Variants in ACSL3 observed in about 807,000 individuals in gnomAD.
The protein encoded by ACSL3 is fatty acid CoA ligase Acsl3.
ACSL3 carries 34 observed loss-of-function variants against 84.7 expected under a neutral mutation model. The observed-to-expected ratio is 0.40, with a 90% CI of 0.31 to 0.53. ACSL3 has a LOEUF of 0.53. ACSL3 is among the 20% of genes least tolerant of loss of function. The pLI, the probability that ACSL3 is intolerant of heterozygous loss-of-function variation, is 0.48. For missense variants in ACSL3, 680 were observed against 873.1 expected, an observed-to-expected ratio of 0.78 and a Z score of 2.79; for synonymous variants, 315 against 299.4, an observed-to-expected ratio of 1.05 and a Z score of -0.54.
At chr2:222,864,622 G>A (rs1014514141) in intron 1 of ACSL3, among the ~76,000 whole-genome samples, 1 of 152,182 alleles carries the variant, frequency 6.6e-6, no homozygotes, top group Non-Finnish European at 1.5e-5. Context: ...GCAGGTAGGG[G>A]TGGGATGGGG....
intron 4 of ACSL3, among the ~76,000 whole-genome samples, chr2:222,915,972 T>C (rs1323955398): frequency 6.6e-6 from 1 of 152,190 alleles, no homozygotes; most frequent in Admixed American, 6.5e-5. Context: ...AACACCTACA[T>C]CATTTAAATA....
intron 1 of ACSL3, among the ~76,000 whole-genome samples, chr2:222,879,906 T>G (rs958730702): frequency 1.3e-5 from 2 of 152,096 alleles, no homozygotes; most frequent in Non-Finnish European, 2.9e-5. Context: ...CTTTTTTTTT[T>G]TTTTCTATTT....
chr2:222,865,379 C>G (rs1006922399), intron 1 of ACSL3, among the ~76,000 whole-genome samples: 3 of 152,138 alleles, frequency 2.0e-5, no homozygotes, highest in African/African-American at 7.2e-5. Context: ...TAAGTGGCCT[C>G]CAAATACAGC....
chr2:222,914,581 G>T (rs1416853715), intron 4 of ACSL3, among the ~76,000 whole-genome samples: 1 of 152,264 alleles, frequency 6.6e-6, no homozygotes, highest in African/African-American at 2.4e-5. Context: ...TATTTGAATA[G>T]AGAGAAGGTT....
intron 2 of ACSL3, among the ~76,000 whole-genome samples, chr2:222,898,206 G>T (rs1348432035): frequency 1.3e-5 from 2 of 151,980 alleles, no homozygotes; most frequent in Admixed American, 1.3e-4. Flanking sequence ...GGCGCTCTTT[G>T]TATATTTTGT....
At chr2:222,940,277 A>AT (rs1344913803) in intron 16 of ACSL3, among the ~76,000 whole-genome samples, 2 of 152,126 alleles carry the variant, frequency 1.3e-5, no homozygotes, top group African/African-American at 4.8e-5. Flanking sequence ...AAACTTTATT[A>AT]TTTTTTAATT....
intron 1 of ACSL3, among the ~76,000 whole-genome samples, chr2:222,861,967 G>A (rs2106075022): frequency 6.6e-6 from 1 of 152,268 alleles, no homozygotes; most frequent in Middle Eastern, 3.4e-3. Context: ...GGAGCCCGAG[G>A]CACAGGTTTT....
chr2:222,886,044 T>A (rs867519357), intron 1 of ACSL3, among the ~76,000 whole-genome samples: 9 of 149,536 alleles, frequency 6.0e-5, no homozygotes, highest in East Asian at 2.0e-4. Flanking sequence ...TGCCTGACTT[T>A]AAAAAAAAAA....
intron 1 of ACSL3, among the ~76,000 whole-genome samples, chr2:222,880,087 A>G (rs746723351): frequency 6.6e-6 from 1 of 152,150 alleles, no homozygotes; most frequent in Non-Finnish European, 1.5e-5. Context: ...TGATGTCACT[A>G]TTGCCATATA....
chr2:222,865,411 A>T (rs1695111179), intron 1 of ACSL3, among the ~76,000 whole-genome samples: 1 of 152,154 alleles, frequency 6.6e-6, no homozygotes, highest in Non-Finnish European at 1.5e-5. Flanking sequence ...TTGTGAAGGT[A>T]TTTGTTATTA....
intron 3 of ACSL3, chr2:222,904,561 C>T (rs1343132322): frequency 6.6e-6 from 1 of 152,602 alleles, no homozygotes; most frequent in Admixed American, 6.5e-5. Flanking sequence ...AAGGCTCTTG[C>T]TACAAAGCAT....
At chr2:222,924,819 C>T (rs539339636) in intron 11 of ACSL3, among the ~76,000 whole-genome samples, 14 of 151,544 alleles carry the variant, frequency 9.2e-5, no homozygotes, top group South Asian at 4.2e-4. Flanking sequence ...GTCAGGAGAT[C>T]GAGACCATCC....
intron 1 of ACSL3, among the ~76,000 whole-genome samples, chr2:222,864,153 A>T (rs1368715546): frequency 2.0e-5 from 3 of 152,182 alleles, no homozygotes; most frequent in African/African-American, 4.8e-5. Context: ...GCAACTAAAG[A>T]GGTATGTGTG....
At chr2:222,938,162 TTAAATTCTATACAGATTTAAATGTGAC>T (rs2106144825) in intron 16 of ACSL3, among the ~76,000 whole-genome samples, 1 of 152,330 alleles carries the variant, frequency 6.6e-6, no homozygotes, top group East Asian at 1.9e-4. Flanking sequence ...TCTTTGTTTT[TTAAATTCTATACAGATTTAAATGTGAC>T]TTATACACCT....
chr2:222,920,929 C>T (rs976095813), intron 7 of ACSL3: 1 of 478,064 alleles, frequency 2.1e-6, no homozygotes, highest in Non-Finnish European at 4.3e-6. Flanking sequence ...CTCCCAGTTC[C>T]AGGGTTTCCA....
chr2:222,872,007 A>G lies in ACSL3; in HGVS notation c.-207+10749A>G, dbSNP rs183205221. ...GTGAACATAATAGTCACCGTAAAAA[A>G]GATGTATAATTCTAGGGAAAAACTT... is the stretch of plus-strand genomic sequence containing the variant. On this transcript the variant is annotated intron_variant, in intron 1 of 16. Transcript: ENST00000357430. 2.7e-3 allele frequency among the ~76,000 whole-genome samples: 412 copies of G among 152,252 alleles called. 1 individual carries two copies. Among genetic ancestry groups the G allele is most frequent in the African/African-American group, 9.5e-3 (393 of 41,534 alleles).
At chr2:222,906,420 T>G (rs1436873780) in intron 3 of ACSL3, among the ~76,000 whole-genome samples, 1 of 152,230 alleles carries the variant, frequency 6.6e-6, no homozygotes, top group East Asian at 1.9e-4. Context: ...GGACAAAGCT[T>G]TGGGCCATAA....
chr2:222,886,787 A>G lies in ACSL3; in HGVS notation c.-206-1043A>G, dbSNP rs1695733372. ...TTTTTTAGAGCAGTTTTAGGTGTAC[A>G]GCAAAATTGAGAGGAAGGTGCAGAG... is the stretch of plus-strand genomic sequence containing the variant. On this transcript the variant is annotated intron_variant, in intron 1 of 16. Coordinates refer to ENST00000357430, the MANE Select transcript of ACSL3 (RefSeq NM_004457.5). Among the ~76,000 whole-genome samples, 2 of 152,190 alleles carry G rather than the reference A, an allele frequency of 1.3e-5. 1 individual carries two copies. Among genetic ancestry groups the G allele is most frequent in the Admixed American group, 1.3e-4 (2 of 15,272 alleles).
At chr2:222,915,277 C>CTT (rs1696547764) in intron 4 of ACSL3, among the ~76,000 whole-genome samples, 1 of 149,934 alleles carries the variant, frequency 6.7e-6, no homozygotes, top group Non-Finnish European at 1.5e-5. Flanking sequence ...TAAGTACCAT[C>CTT]TTAAATGCAG....
Sources: allele counts gnomAD v4.1 joint callset (sites outside exome capture counted in the v4.1 genomes callset), GRCh38; gene constraint gnomAD v4.1.1; transcripts MANE v1.5; gene names NCBI Gene and HGNC (gene_info 2026-07-23, HGNC 2026-07-21).